The following KPNA5 variants were observed in gnomAD, a reference collection of about 807,000 sequenced individuals.
KPNA5 encodes importin subunit alpha-6.
KPNA5 carries 46 observed loss-of-function variants against 71.3 expected under a neutral mutation model. That is an observed-to-expected ratio of 0.65 (90% CI 0.51 to 0.83). The LOEUF is 0.83. KPNA5 is among the 40% of genes least tolerant of loss of function. The probability of loss-of-function intolerance (pLI) is 0.00; values close to 1 mark genes in which losing one functional copy is unlikely to be tolerated. For missense variants in KPNA5, 547 were observed against 628.3 expected (o/e 0.87, Z 1.38); for synonymous variants, 207 against 201.4 (o/e 1.03, Z -0.24).
chr6:116,685,957 A>C (rs1208999670), intron 1 of KPNA5, among the ~76,000 whole-genome samples: 1 of 151,646 alleles, frequency 6.6e-6, no homozygotes, highest in Non-Finnish European at 1.5e-5. Context: ...CCCGGGCTGG[A>C]GTGCAGTGGT....
intron 2 of KPNA5, among the ~76,000 whole-genome samples, chr6:116,689,873 A>G (rs1777725684): frequency 6.6e-6 from 1 of 152,198 alleles, no homozygotes; most frequent in African/African-American, 2.4e-5. Context: ...CCATTGTCTT[A>G]TTAGCTGGAT....
intron 7 of KPNA5, among the ~76,000 whole-genome samples, chr6:116,707,080 C>CT (rs1778469980): frequency 6.6e-6 from 1 of 151,904 alleles, no homozygotes; most frequent in African/African-American, 2.4e-5. Context: ...AGGAGGATGG[C>CT]TTGTACCCAG....
At chr6:116,696,664 T>C (rs1159122634) in intron 4 of KPNA5, among the ~76,000 whole-genome samples, 1 of 152,144 alleles carries the variant, frequency 6.6e-6, no homozygotes, top group Non-Finnish European at 1.5e-5. Flanking sequence ...CTTTTTTCTT[T>C]TGCCTGACTC....
chr6:116,688,953 C>CT (rs59172034), intron 1 of KPNA5, among the ~76,000 whole-genome samples: 42,373 of 151,030 alleles, frequency 0.28, 6,655 homozygotes, highest in African/African-American at 0.43. Context: ...ATTTAGAAGA[C>CT]TTTTTTTTTA....
intron 6 of KPNA5, among the ~76,000 whole-genome samples, chr6:116,703,022 C>T (rs1003269329): frequency 6.6e-6 from 1 of 151,948 alleles, no homozygotes; most frequent in Non-Finnish European, 1.5e-5. Context: ...TCAGTTAACA[C>T]TAATATTGGG....
intron 8 of KPNA5, 36 bp from the exon 9 acceptor site, chr6:116,722,090 A>G: frequency 6.9e-7 from 1 of 1,445,188 alleles, no homozygotes; most frequent in Non-Finnish European, 9.2e-7. Flanking sequence ...TTTTAAATAG[A>G]GAAAAAATTT....
At chr6:116,700,768 CAG>C (rs903070061) in intron 5 of KPNA5, among the ~76,000 whole-genome samples, 1 of 152,164 alleles carries the variant, frequency 6.6e-6, no homozygotes, top group African/African-American at 2.4e-5. Flanking sequence ...TTTAACAAAT[CAG>C]AGGTGTTGGC....
At chr6:116,687,162 G>A (rs909157916) in intron 1 of KPNA5, among the ~76,000 whole-genome samples, 2 of 152,150 alleles carry the variant, frequency 1.3e-5, no homozygotes, top group African/African-American at 4.8e-5. Flanking sequence ...CTATCCACAA[G>A]CATGGAATGT....
chr6:116,695,918 T>G (rs1412367989), intron 4 of KPNA5, among the ~76,000 whole-genome samples: 1 of 152,228 alleles, frequency 6.6e-6, no homozygotes, highest in Admixed American at 6.5e-5. Flanking sequence ...TACCATTTCC[T>G]CATTATTGAA....
In KPNA5 at chr6:116,703,379, C is replaced by G. The variant is rs572310611; in HGVS notation, c.567+1229C>G. ...CCAGGTTCAAGCGATTCTCCTGCCTCAGCCTTCCGAGTAGCTGGGATTACA... is the reference window on the plus strand; with the variant it reads ...CCAGGTTCAAGCGATTCTCCTGCCTGAGCCTTCCGAGTAGCTGGGATTACA... On this transcript the variant is annotated intron_variant, in intron 6 of 13. Transcript: ENST00000368564. Among the ~76,000 whole-genome samples the G allele has an allele frequency of 1.6e-4, 25 of 152,036 alleles. 1 individual carries two copies. In the East Asian group the frequency reaches 4.4e-3, roughly 27 times the overall value.
At position 116,714,963 on chromosome 6, in the gene KPNA5, G is replaced by A. The variant is rs77455617; in HGVS notation, c.657-1256G>A. 4.7e-4 allele frequency among the ~76,000 whole-genome samples: 72 copies of A among 152,270 alleles called. No homozygotes were observed. In the East Asian group the frequency reaches 0.013, roughly 27 times the overall value. On this transcript the variant is annotated intron_variant, in intron 7 of 13. Transcript: ENST00000368564. The stretch of plus-strand genomic sequence containing the variant: ...TTGCTGCCAGGCTGGGGAGGGGGTT[G>A]CGTAAGAGTAGGTTAAAATGCCGCA...
At chr6:116,715,699 C>T (rs538189325) in intron 7 of KPNA5, among the ~76,000 whole-genome samples, 15 of 152,086 alleles carry the variant, frequency 9.9e-5, no homozygotes, top group African/African-American at 3.1e-4. Flanking sequence ...AGGTGGATCA[C>T]GAGGTCGGGA....
chr6:116,690,217 G>C (rs66691216), intron 2 of KPNA5, among the ~76,000 whole-genome samples: 34,608 of 151,802 alleles, frequency 0.23, 4,039 homozygotes, highest in East Asian at 0.3. Context: ...TTACAGGCAT[G>C]TAATAGGCAA....
intron 1 of KPNA5, among the ~76,000 whole-genome samples, chr6:116,687,438 G>A (rs1030338912): frequency 1.3e-5 from 2 of 151,996 alleles, no homozygotes; most frequent in Non-Finnish European, 2.9e-5. Flanking sequence ...AGTTTTAGGG[G>A]GTGACAACTG....
chr6:116,710,116 A>T (rs565816460), intron 7 of KPNA5, among the ~76,000 whole-genome samples: 12 of 152,240 alleles, frequency 7.9e-5, no homozygotes, highest in Non-Finnish European at 1.3e-4. Context: ...TTTTGCATCC[A>T]ATGAGATAAC....
Position 116,701,741 on chromosome 6 carries a change from A to T in KPNA5, c.436-278A>T, listed in dbSNP as rs561169197. Among the ~76,000 whole-genome samples, 162 of 152,230 alleles carry T rather than the reference A, an allele frequency of 1.1e-3. 1 individual carries two copies. Among genetic ancestry groups the T allele is most frequent in the African/African-American group, 3.8e-3 (158 of 41,554 alleles). ...GGAGTTTTATGCATTATAAATTCAA[A>T]GGTGTTTATATATTGTTGATTTTGT... On this transcript the variant is annotated intron_variant, in intron 5 of 13. Transcript: ENST00000368564.
At chr6:116,714,511 C>G (rs544668476) in intron 7 of KPNA5, among the ~76,000 whole-genome samples, 42 of 152,216 alleles carry the variant, frequency 2.8e-4, no homozygotes, top group African/African-American at 8.7e-4. Flanking sequence ...GAAGTAAAAG[C>G]GTAGGTCTCT....
chr6:116,688,969 A>G (rs1045164308), intron 1 of KPNA5, among the ~76,000 whole-genome samples: 8 of 152,100 alleles, frequency 5.3e-5, no homozygotes, highest in African/African-American at 1.4e-4. Flanking sequence ...TTTTAACCCA[A>G]ATAATTCATG....
chr6:116,713,166 T>A (rs1402733704), intron 7 of KPNA5, among the ~76,000 whole-genome samples: 1 of 152,200 alleles, frequency 6.6e-6, no homozygotes. Context: ...TTTAGCAGTA[T>A]TCTTTATTTC....
Sources: gnomAD v4.1 joint callset for allele counts (sites outside exome capture counted in the v4.1 genomes callset) on GRCh38, gnomAD v4.1.1 for gene constraint, MANE v1.5 for transcripts, NCBI Gene and HGNC (gene_info 2026-07-23, HGNC 2026-07-21) for gene names.